The following CTNND2 variants were observed in gnomAD, a reference collection of about 807,000 sequenced individuals.
The protein encoded by CTNND2 is catenin delta 2.
A neutral mutation model predicts 144.4 loss-of-function variants in CTNND2; 22 were observed. The ratio of observed to expected loss-of-function variants is 0.15; its 90% CI spans 0.11 to 0.22. The LOEUF (loss-of-function observed/expected upper bound fraction) is 0.22, where lower values mean the gene tolerates loss of function less well. Among genes scored for constraint, CTNND2 ranks in the 10% least tolerant of loss-of-function variants. The pLI is 1.00. For missense variants in CTNND2, 1,353 were observed against 1,618.8 expected (o/e 0.84, Z 2.82); for synonymous variants, 751 against 695.6 (o/e 1.08, Z -1.25).
chr5:11,429,577 C>G (rs978462068), intron 3 of CTNND2, among the ~76,000 whole-genome samples: 7 of 152,188 alleles, frequency 4.6e-5, no homozygotes, highest in Non-Finnish European at 1.0e-4. Context: ...AAATCCTCAT[C>G]ACCTAATGTG....
intron 1 of CTNND2, among the ~76,000 whole-genome samples, chr5:11,748,181 C>A (rs1455192233): frequency 1.3e-5 from 2 of 151,282 alleles, no homozygotes; most frequent in African/African-American, 2.4e-5. Flanking sequence ...AAATTGCTGA[C>A]CTTAAGAAAA....
intron 3 of CTNND2, among the ~76,000 whole-genome samples, chr5:11,523,760 C>G (rs563354521): frequency 1.3e-5 from 2 of 152,156 alleles, no homozygotes; most frequent in African/African-American, 4.8e-5. Context: ...GCCTCCTCTT[C>G]CCTTATCGAA....
intron 9 of CTNND2, among the ~76,000 whole-genome samples, chr5:11,254,903 A>C (rs1744072592): frequency 2.0e-5 from 3 of 152,172 alleles, no homozygotes; most frequent in African/African-American, 7.2e-5. Context: ...AAACTGTAAG[A>C]GGCACTACAT....
chr5:11,511,536 TG>T (rs758071409), intron 3 of CTNND2, among the ~76,000 whole-genome samples: 1 of 152,186 alleles, frequency 6.6e-6, no homozygotes, highest in Non-Finnish European at 1.5e-5. Context: ...TTGGGGGTGA[TG>T]TGTCCATTTG....
At chr5:11,152,183 G>A (rs1026549725) in intron 12 of CTNND2, among the ~76,000 whole-genome samples, 1 of 152,194 alleles carries the variant, frequency 6.6e-6, no homozygotes, top group African/African-American at 2.4e-5. Flanking sequence ...ATCCCAGCTT[G>A]TCCAGTCTGG....
intron 12 of CTNND2, among the ~76,000 whole-genome samples, chr5:11,156,043 G>C (rs1758189617): frequency 6.6e-6 from 1 of 152,146 alleles, no homozygotes; most frequent in East Asian, 1.9e-4. Flanking sequence ...TGGCGTTAGG[G>C]CATGAAGTGG....
chr5:11,539,131 A>G (rs952530932), intron 3 of CTNND2, among the ~76,000 whole-genome samples: 3 of 152,322 alleles, frequency 2.0e-5, no homozygotes, highest in Admixed American at 2.0e-4. Flanking sequence ...TGAAAATGTC[A>G]GGGAGTCCAC....
chr5:11,452,012 G>T (rs1366609081), intron 3 of CTNND2, among the ~76,000 whole-genome samples: 1 of 152,162 alleles, frequency 6.6e-6, no homozygotes, highest in African/African-American at 2.4e-5. Flanking sequence ...GTGATTACAA[G>T]AATCATCCAA....
At chr5:11,690,586 A>AG (rs1232507372) in intron 2 of CTNND2, among the ~76,000 whole-genome samples, 3 of 151,694 alleles carry the variant, frequency 2.0e-5, no homozygotes, top group Admixed American at 6.6e-5. Flanking sequence ...ACAAAAAAAA[A>AG]TTAGCCGGGC....
intron 3 of CTNND2, among the ~76,000 whole-genome samples, chr5:11,537,651 C>T (rs977224557): frequency 1.3e-5 from 2 of 152,122 alleles, no homozygotes; most frequent in Non-Finnish European, 2.9e-5. Flanking sequence ...GACATTCACA[C>T]TTAGGTTGGG....
rs564676829 is a variant in CTNND2 at position 11,379,965 on chromosome 5, G to T, written c.1177+4700C>A. ...ACTGAGCTGCCAGTTGTCTTCCCCT[G>T]CCTCCCTGCACCCCACACACACCCT... On this transcript the variant is annotated intron_variant, in intron 7 of 21. Transcript: ENST00000304623. Among the ~76,000 whole-genome samples, 3 of 149,542 alleles carry T rather than the reference G, an allele frequency of 2.0e-5. No homozygotes were observed. The South Asian group carries it at 6.3e-4, about 31-fold the overall frequency.
At chr5:11,323,232 G>GC (rs1554032306) in intron 9 of CTNND2, among the ~76,000 whole-genome samples, 20 of 10,078 alleles carry the variant, frequency 2.0e-3, no homozygotes, top group East Asian at 0.042. Flanking sequence ...TTTAGAGATT[G>GC]GGGGGGGGGG....
intron 2 of CTNND2, among the ~76,000 whole-genome samples, chr5:11,717,791 C>T (rs1361330944): frequency 6.6e-6 from 1 of 152,030 alleles, no homozygotes; most frequent in Non-Finnish European, 1.5e-5. Context: ...TTATTTACTA[C>T]CATGGGAACA....
intron 18 of CTNND2, among the ~76,000 whole-genome samples, chr5:11,001,572 T>TA (rs1739968803): frequency 6.6e-6 from 1 of 152,188 alleles, no homozygotes; most frequent in Non-Finnish European, 1.5e-5. Flanking sequence ...TTTCACAGGT[T>TA]TTATAGCTAG....
chr5:11,287,751 C>T (rs563566377), intron 9 of CTNND2, among the ~76,000 whole-genome samples: 8 of 152,230 alleles, frequency 5.3e-5, no homozygotes, highest in African/African-American at 1.4e-4. Context: ...GAGTACATTT[C>T]GTTTTTCTAG....
chr5:11,671,799 TC>T, intron 2 of CTNND2, among the ~76,000 whole-genome samples: 1 of 152,224 alleles, frequency 6.6e-6, no homozygotes, highest in Admixed American at 6.5e-5. Flanking sequence ...AAACTCATTC[TC>T]CATCCAGTTT....
chr5:11,776,457 G>A (rs538588089), intron 1 of CTNND2, among the ~76,000 whole-genome samples: 5 of 152,258 alleles, frequency 3.3e-5, no homozygotes, highest in African/African-American at 1.2e-4. Flanking sequence ...AGAGAAGGGG[G>A]TAAGTAATAG....
chr5:11,749,883 TA>T (rs1416831938), intron 1 of CTNND2, among the ~76,000 whole-genome samples: 1 of 152,046 alleles, frequency 6.6e-6, no homozygotes, highest in Admixed American at 6.6e-5. Context: ...GACCCTTGTA[TA>T]TTTAGGTTTC....
chr5:11,634,449 C>T (rs976322990), intron 2 of CTNND2, among the ~76,000 whole-genome samples: 4 of 152,168 alleles, frequency 2.6e-5, no homozygotes, highest in African/African-American at 9.6e-5. Context: ...ACTTTCTCCT[C>T]AATCTCAATC....
Sources: gnomAD v4.1 joint callset for allele counts (sites outside exome capture counted in the v4.1 genomes callset) on GRCh38, gnomAD v4.1.1 for gene constraint, MANE v1.5 for transcripts, NCBI Gene and HGNC (gene_info 2026-07-23, HGNC 2026-07-21) for gene names.